The following SMAD3 variants were observed in gnomAD, a reference collection of about 807,000 sequenced individuals.
The protein encoded by SMAD3 is MAD homolog 3.
A neutral mutation model predicts 51.8 loss-of-function variants in SMAD3; 12 were observed. The observed-to-expected ratio is 0.23, with a 90% CI of 0.15 to 0.38. The LOEUF is 0.38. SMAD3 is among the 10% of genes least tolerant of loss of function. The probability of loss-of-function intolerance (pLI) is 1.00; values close to 1 mark genes in which losing one functional copy is unlikely to be tolerated. For synonymous variants in SMAD3, 238 were observed against 227.7 expected (o/e 1.05, Z -0.41); for missense variants, 294 against 565.6 (o/e 0.52, Z 4.87).
chr15:67,068,106 C>CA (rs1043743429), intron 1 of SMAD3, among the ~76,000 whole-genome samples: 1 of 151,838 alleles, frequency 6.6e-6, no homozygotes, highest in African/African-American at 2.4e-5. Context: ...CTGAGGTCCT[C>CA]AAAAAAAGAC....
At chr15:67,141,954 A>G (rs931266071) in intron 1 of SMAD3, among the ~76,000 whole-genome samples, 4 of 152,112 alleles carry the variant, frequency 2.6e-5, no homozygotes, top group Non-Finnish European at 5.9e-5. Context: ...GGTGTCATTC[A>G]TGTTTTCCAT....
At chr15:67,149,519 G>A (rs936581965) in intron 1 of SMAD3, among the ~76,000 whole-genome samples, 2 of 152,216 alleles carry the variant, frequency 1.3e-5, no homozygotes, top group Non-Finnish European at 2.9e-5. Context: ...GAGGAGGGCT[G>A]TTGCCACCCT....
At chr15:67,158,581 G>A (rs1373668851) in intron 1 of SMAD3, among the ~76,000 whole-genome samples, 2 of 152,242 alleles carry the variant, frequency 1.3e-5, no homozygotes, top group Admixed American at 6.5e-5. Flanking sequence ...ACAGCCAGGA[G>A]TCCTGGCCAC....
At chr15:67,159,598 A>AAT (rs926939600) in intron 1 of SMAD3, among the ~76,000 whole-genome samples, 7 of 152,120 alleles carry the variant, frequency 4.6e-5, no homozygotes, top group African/African-American at 1.7e-4. Context: ...GCAGTAAGAG[A>AAT]ATATACATAA....
At chr15:67,077,507 C>T (rs973037074) in intron 1 of SMAD3, among the ~76,000 whole-genome samples, 3 of 152,054 alleles carry the variant, frequency 2.0e-5, no homozygotes, top group Admixed American at 1.3e-4. Flanking sequence ...TTATTAAGTA[C>T]CAGAGATATA....
intron 1 of SMAD3, among the ~76,000 whole-genome samples, chr15:67,137,528 T>G (rs1332859916): frequency 6.6e-6 from 1 of 152,228 alleles, no homozygotes; most frequent in Non-Finnish European, 1.5e-5. Context: ...GTTGTTGGAT[T>G]CTTTCATCAG....
chr15:67,181,582 T>C, intron 6 of SMAD3, 129 bp downstream of exon 6: 2 of 801,622 alleles, frequency 2.5e-6, no homozygotes, highest in Non-Finnish European at 4.1e-6. Flanking sequence ...CTCTGCCTCC[T>C]GCTGGGCATG....
At chr15:67,102,514 G>A (rs542146201) in intron 1 of SMAD3, among the ~76,000 whole-genome samples, 2 of 152,140 alleles carry the variant, frequency 1.3e-5, no homozygotes, top group Non-Finnish European at 2.9e-5. Flanking sequence ...ATTTGTGAGT[G>A]TTCATATCTG....
intron 6 of SMAD3, among the ~76,000 whole-genome samples, chr15:67,183,001 ATATATATATATATATAT>A (rs1231525851): frequency 2.1e-5 from 1 of 47,504 alleles, no homozygotes; most frequent in African/African-American, 1.2e-4. Context: ...AAAAAAAAAA[ATATATATATATATATAT>A]ATATATATAT....
At chr15:67,080,254 A>C (rs1235010361) in intron 1 of SMAD3, among the ~76,000 whole-genome samples, 3 of 152,250 alleles carry the variant, frequency 2.0e-5, no homozygotes, top group Admixed American at 1.3e-4. Context: ...TCATGCAACA[A>C]GTTGGCAATG....
At chr15:67,090,055 C>G (rs896904683) in intron 1 of SMAD3, among the ~76,000 whole-genome samples, 1 of 152,126 alleles carries the variant, frequency 6.6e-6, no homozygotes, top group Non-Finnish European at 1.5e-5. Flanking sequence ...GGAGTGTGGA[C>G]AAGTGTGCAC....
At chr15:67,170,650 G>C in intron 5 of SMAD3, 46 bp downstream of exon 5, 1 of 1,569,212 alleles carries the variant, frequency 6.4e-7, no homozygotes, top group Non-Finnish European at 8.8e-7. Context: ...TCTAGCTGCA[G>C]CCCTGGCGAG....
Position 67,165,089 on chromosome 15 carries a change from G to GT in SMAD3, c.400+2dup. On this transcript the variant is annotated splice_donor_variant, in intron 2 of 8. Coordinates refer to ENST00000327367, the MANE Select transcript of SMAD3 (RefSeq NM_005902.4). LOFTEE classifies it high-confidence loss of function. ...CACTACCAGAGAGTAGAGACACCAG[G>GT]TATGCTGCCTGGCCTGCCTGTGGGG... The GT allele has an allele frequency of 6.2e-7, 1 of 1,614,150 alleles. No individual in the cohort carries two copies. The highest frequency in any genetic ancestry group is 8.5e-7 in the Non-Finnish European group (1 of 1,180,008).
At chr15:67,165,516 T>A in intron 3 of SMAD3, 132 bp downstream of exon 3, 1 of 1,087,200 alleles carries the variant, frequency 9.2e-7, no homozygotes, top group Non-Finnish European at 1.3e-6. Flanking sequence ...AGCTCTGGCC[T>A]GAGGGCCCCT....
intron 1 of SMAD3, among the ~76,000 whole-genome samples, chr15:67,148,377 T>G (rs1595929534): frequency 1.3e-5 from 2 of 152,312 alleles, no homozygotes; most frequent in African/African-American, 4.8e-5. Flanking sequence ...TCTGTGTGCT[T>G]TCTCCTCTAT....
intron 1 of SMAD3, among the ~76,000 whole-genome samples, chr15:67,083,162 G>A (rs909972270): frequency 6.6e-6 from 1 of 152,242 alleles, no homozygotes; most frequent in African/African-American, 2.4e-5. Flanking sequence ...GCCGCAGTGC[G>A]AGGCTGGTTC....
At chr15:67,177,990 T>G (rs1480077603) in intron 5 of SMAD3, among the ~76,000 whole-genome samples, 2 of 152,208 alleles carry the variant, frequency 1.3e-5, no homozygotes, top group Non-Finnish European at 2.9e-5. Context: ...AACAGCACTC[T>G]CTGAAATGGC....
chr15:67,074,924 T>C lies in SMAD3; in HGVS notation c.206+8564T>C, dbSNP rs185656389. On this transcript the variant is annotated intron_variant, in intron 1 of 8. Coordinates refer to ENST00000327367, the MANE Select transcript of SMAD3 (RefSeq NM_005902.4). The stretch of plus-strand genomic sequence containing the variant: ...AGAAACACTGTGTATGGCTTTGCCT[T>C]TGAAACCTACAGAGTTATGAATCTG... Among the ~76,000 whole-genome samples, 30 of 152,314 alleles carry C rather than the reference T, an allele frequency of 2.0e-4. No homozygotes were observed. In the East Asian group the frequency reaches 5.2e-3, roughly 26 times the overall value.
At chr15:67,151,980 GTAA>G (rs1279682082) in intron 1 of SMAD3, among the ~76,000 whole-genome samples, 4 of 152,092 alleles carry the variant, frequency 2.6e-5, no homozygotes, top group African/African-American at 7.2e-5. Context: ...TGTAAACTAT[GTAA>G]TAATAATATT....
Sources: gnomAD v4.1 joint callset for allele counts (sites outside exome capture counted in the v4.1 genomes callset) on GRCh38, gnomAD v4.1.1 for gene constraint, MANE v1.5 for transcripts, NCBI Gene and HGNC (gene_info 2026-07-23, HGNC 2026-07-21) for gene names.